TTC39C: variants seen among roughly 807,000 people sequenced by gnomAD.
TTC39C encodes the protein tetratricopeptide repeat protein 39C.
Under a neutral mutation model 76.3 loss-of-function variants are expected in TTC39C, and 33 were observed. The observed-to-expected ratio is 0.43, with a 90% confidence interval of 0.33 to 0.58. The LOEUF is 0.58. Ranked by LOEUF, TTC39C falls within the 20% of genes least tolerant of loss-of-function variation. TTC39C has a pLI of 0.04. For synonymous variants in TTC39C, 254 were observed against 260.6 expected, an observed-to-expected ratio of 0.97 and a Z score of 0.24; for missense variants, 595 against 701.4, an observed-to-expected ratio of 0.85 and a Z score of 1.71.
chr18:24,047,661 AAAACCTATGCTTGTAACAAC>A (rs1312913767), intron 1 of TTC39C, among the ~76,000 whole-genome samples: 1 of 152,146 alleles, frequency 6.6e-6, no homozygotes, highest in Non-Finnish European at 1.5e-5. Context: ...TACAGAGAGG[AAAACCTATGCTTGTAACAAC>A]AGCAAAACCA....
intron 1 of TTC39C, among the ~76,000 whole-genome samples, chr18:24,039,446 A>G (rs897990686): frequency 6.6e-6 from 1 of 152,160 alleles, no homozygotes; most frequent in Non-Finnish European, 1.5e-5. Flanking sequence ...AGAACCATGG[A>G]TTTTACCCTT....
At chr18:24,105,374 T>C (rs2084733656) in intron 6 of TTC39C, among the ~76,000 whole-genome samples, 1 of 152,264 alleles carries the variant, frequency 6.6e-6, no homozygotes, top group South Asian at 2.1e-4. Context: ...ATATGGATAG[T>C]TGATAAAATC....
chr18:24,073,329 G>A (rs764595606), intron 4 of TTC39C, among the ~76,000 whole-genome samples: 66 of 152,230 alleles, frequency 4.3e-4, no homozygotes, highest in Non-Finnish European at 7.5e-4. Context: ...CTCTTTCCCA[G>A]CCACCTGCCC....
chr18:24,014,684 C>G (rs1408086222), upstream of TTC39C: 8 of 920,858 alleles, frequency 8.7e-6, no homozygotes, highest in Non-Finnish European at 9.6e-6. Flanking sequence ...CACGCCGCGC[C>G]GCAGCCGGGC....
rs915611794 is a variant in TTC39C at position 24,023,274 on chromosome 18, C to T, written c.167+8236C>T. Among the ~76,000 whole-genome samples, 5 of 152,312 alleles carry T rather than the reference C, an allele frequency of 3.3e-5. No homozygotes were observed. The East Asian group carries it at 7.7e-4, about 23-fold the overall frequency. ...ATATTGATGTTCTGCTTCTCATAAG[C>T]AGTTGCCAGAGCTCCTGCCTGGCCC... On this transcript the variant is annotated intron_variant, in intron 1 of 13. Coordinates refer to ENST00000317571, the MANE Select transcript of TTC39C (RefSeq NM_001135993.2).
upstream of TTC39C, chr18:24,014,752 C>T: frequency 2.6e-6 from 3 of 1,154,496 alleles, no homozygotes; most frequent in Non-Finnish European, 3.2e-6. Context: ...CTCCCCTCCC[C>T]TCCCCTCCCC....
At chr18:24,020,007 G>A (rs2083500358) in intron 1 of TTC39C, 1 of 1,433,402 alleles carries the variant, frequency 7.0e-7, no homozygotes, top group South Asian at 1.5e-5. Context: ...GGACTTGCAG[G>A]CTGTCCATGA....
chr18:24,080,972 A>G lies in TTC39C; in HGVS notation c.815+33A>G, dbSNP rs1340689680. ...GCTGTATTGCAATGCTTTGGTAGAT[A>G]ATATAGTGTTGAAAGTAAGTAAACG... On this transcript the variant is annotated intron_variant, in intron 5 of 13. Coordinates refer to ENST00000317571, the MANE Select transcript of TTC39C (RefSeq NM_001135993.2). The G allele has an allele frequency of 1.9e-6, 3 of 1,542,550 alleles. No homozygotes were observed. In the African/African-American group the frequency reaches 4.2e-5, roughly 21 times the overall value.
rs187895750 is a variant in TTC39C at position 24,091,812 on chromosome 18, A to G, written c.984+8731A>G. 3.6e-3 allele frequency among the ~76,000 whole-genome samples: 541 copies of G among 152,250 alleles called. 7 individuals carry two copies. Among genetic ancestry groups the G allele is most frequent in the African/African-American group, 0.012 (501 of 41,576 alleles). On this transcript the variant is annotated intron_variant, in intron 6 of 13. Coordinates refer to ENST00000317571, the MANE Select transcript of TTC39C (RefSeq NM_001135993.2). ...CAATTTAAAAATGGACAATGGGGGCAGGCGCGGTGGCTCACGCCTGTAATC... is the reference window on the plus strand; with the variant it reads ...CAATTTAAAAATGGACAATGGGGGCGGGCGCGGTGGCTCACGCCTGTAATC...
At chr18:24,102,864 T>G (rs1250481189) in intron 6 of TTC39C, among the ~76,000 whole-genome samples, 1 of 152,200 alleles carries the variant, frequency 6.6e-6, no homozygotes, top group East Asian at 1.9e-4. Flanking sequence ...ACTCCCACTT[T>G]GGGAGGCCAA....
intron 5 of TTC39C, 69 bp from the exon 6 acceptor site, chr18:24,082,844 G>C (rs962199364): frequency 3.2e-5 from 47 of 1,483,048 alleles, no homozygotes; most frequent in Non-Finnish European, 4.1e-5. Flanking sequence ...ACACATACTG[G>C]AGTTTTGAAA....
chr18:24,081,439 T>G (rs2084374329), intron 5 of TTC39C, among the ~76,000 whole-genome samples: 1 of 152,202 alleles, frequency 6.6e-6, no homozygotes, highest in African/African-American at 2.4e-5. Context: ...TAAATAATAA[T>G]TATTTAAGCA....
intron 4 of TTC39C, among the ~76,000 whole-genome samples, chr18:24,069,804 T>A (rs1164485590): frequency 6.6e-6 from 1 of 152,202 alleles, no homozygotes; most frequent in Non-Finnish European, 1.5e-5. Flanking sequence ...TTTCTAGGCT[T>A]AGCTTTAATT....
chr18:24,101,383 G>A (rs931416009), intron 6 of TTC39C, among the ~76,000 whole-genome samples: 7 of 151,796 alleles, frequency 4.6e-5, no homozygotes, highest in Non-Finnish European at 7.4e-5. Context: ...CAAGGCGGGC[G>A]TTATCACCAG....
At chr18:24,064,023 T>G in intron 1 of TTC39C, 117 bp from the exon 2 acceptor site, 4 of 1,405,784 alleles carry the variant, frequency 2.8e-6, no homozygotes, top group Non-Finnish European at 3.8e-6. Flanking sequence ...TGACCTTAAC[T>G]TCTTTTATTC....
At chr18:24,007,917 G>T (rs2145632282) in intron 1 of TTC39C, among the ~76,000 whole-genome samples, 1 of 152,100 alleles carries the variant, frequency 6.6e-6, no homozygotes, top group East Asian at 1.9e-4. Context: ...AAAATAAATT[G>T]TATAGGTTCT....
At chr18:24,076,807 C>T (rs2084312978) in intron 4 of TTC39C, 1 of 152,078 alleles carries the variant, frequency 6.6e-6, no homozygotes, top group Non-Finnish European at 1.5e-5. Context: ...TAACATGTGC[C>T]TTCAGACATT....
Position 24,082,899 on chromosome 18 carries a change from C to A in TTC39C, c.816-14C>A. 6.4e-7 allele frequency: 1 copy of A among 1,570,146 alleles called. No homozygotes were observed. The highest frequency in any genetic ancestry group is 8.7e-7 in the Non-Finnish European group (1 of 1,155,206). ...AAGTTAATGTGCTCAATGTTTCTCT[C>A]CCTCTTCCTCTAGATTAGCTCTGCT... On this transcript the variant is annotated splice_polypyrimidine_tract_variant and intron_variant, in intron 5 of 13. Transcript: ENST00000317571.
chr18:24,099,474 G>A (rs1312027198), intron 6 of TTC39C, among the ~76,000 whole-genome samples: 2 of 151,890 alleles, frequency 1.3e-5, no homozygotes, highest in Non-Finnish European at 2.9e-5. Context: ...TATCAATTTT[G>A]TGAGGCAGGA....
Sources: gnomAD v4.1 joint callset for allele counts (sites outside exome capture counted in the v4.1 genomes callset) on GRCh38, gnomAD v4.1.1 for gene constraint, MANE v1.5 for transcripts, NCBI Gene and HGNC (gene_info 2026-07-23, HGNC 2026-07-21) for gene names.